Variants in KCNIP4 observed in about 807,000 individuals in gnomAD.
KCNIP4 encodes Kv channel-interacting protein 4.
A neutral mutation model predicts 34.0 loss-of-function variants in KCNIP4; 12 were observed. That is an observed-to-expected ratio of 0.35 (90% CI 0.23 to 0.57). KCNIP4 has a LOEUF of 0.57. Ranked by LOEUF, KCNIP4 falls within the 20% of genes least tolerant of loss-of-function variation. The probability of loss-of-function intolerance (pLI) is 0.83; values close to 1 mark genes in which losing one functional copy is unlikely to be tolerated. For synonymous variants in KCNIP4, 124 were observed against 102.2 expected (o/e 1.21, Z -1.29); for missense variants, 238 against 311.7 (o/e 0.76, Z 1.78).
intron 1 of KCNIP4, among the ~76,000 whole-genome samples, chr4:21,191,815 A>G (rs944106607): frequency 6.6e-6 from 1 of 152,196 alleles, no homozygotes; most frequent in African/African-American, 2.4e-5. Flanking sequence ...GACTATTCAG[A>G]TACATGTAAA....
intron 1 of KCNIP4, among the ~76,000 whole-genome samples, chr4:21,429,674 G>A (rs1247776365): frequency 2.0e-5 from 3 of 152,088 alleles, no homozygotes; most frequent in African/African-American, 7.2e-5. Flanking sequence ...TAATTCTAGT[G>A]ATGTGTGTAA....
chr4:20,947,801 G>A (rs1054078588), intron 1 of KCNIP4, among the ~76,000 whole-genome samples: 10 of 152,078 alleles, frequency 6.6e-5, no homozygotes, highest in African/African-American at 1.7e-4. Flanking sequence ...AACTACACAC[G>A]GCAGCTCCTA....
In KCNIP4 at chr4:20,840,315, T is replaced by C. The variant is rs187952282; in HGVS notation, c.288+10228A>G. ...AAATCATAAATGTGTGATTGTATAT[T>C]GGGTCTTGTACATCCCCTAGCAAAT... is the stretch of plus-strand genomic sequence containing the variant. On this transcript the variant is annotated intron_variant, in intron 3 of 8. Coordinates refer to ENST00000382152, the MANE Select transcript of KCNIP4 (RefSeq NM_025221.6). Among the ~76,000 whole-genome samples, 315 of 152,302 alleles carry C rather than the reference T, an allele frequency of 2.1e-3. 4 individuals are homozygous for C. The highest frequency in any genetic ancestry group is 7.2e-3 in the African/African-American group (299 of 41,576).
At chr4:21,473,877 C>T (rs1295205742) in intron 1 of KCNIP4, among the ~76,000 whole-genome samples, 2 of 152,006 alleles carry the variant, frequency 1.3e-5, no homozygotes, top group African/African-American at 2.4e-5. Flanking sequence ...CTATGCCTGG[C>T]TAATTTTTGT....
intron 1 of KCNIP4, among the ~76,000 whole-genome samples, chr4:21,886,560 G>C (rs114645360): frequency 3.3e-5 from 5 of 152,080 alleles, no homozygotes; most frequent in Non-Finnish European, 5.9e-5. Flanking sequence ...GTTCCCACAG[G>C]GGGTGAGAGA....
intron 1 of KCNIP4, among the ~76,000 whole-genome samples, chr4:21,299,158 C>G (rs772095138): frequency 1.3e-5 from 2 of 151,890 alleles, no homozygotes; most frequent in African/African-American, 4.8e-5. Flanking sequence ...AATAATATAT[C>G]TATACTATAC....
In KCNIP4 at chr4:21,173,692, C is replaced by T. The variant is rs79162938; in HGVS notation, c.62-290983G>A. Among the ~76,000 whole-genome samples, 890 of 152,254 alleles carry T rather than the reference C, an allele frequency of 5.8e-3. 11 individuals carry two copies. Among genetic ancestry groups the T allele is most frequent in the African/African-American group, 0.02 (822 of 41,546 alleles). On this transcript the variant is annotated intron_variant, in intron 1 of 8. Transcript: ENST00000382152. ...TGGCAAGTAGCTGAAAACCCAAACC[C>T]GTGACAGTAGGTCCAGTGCTCTCTG...
At chr4:21,447,018 A>T (rs1728078580) in intron 1 of KCNIP4, among the ~76,000 whole-genome samples, 2 of 151,890 alleles carry the variant, frequency 1.3e-5, no homozygotes, top group Non-Finnish European at 2.9e-5. Context: ...AAAGAAAAAG[A>T]GACTGAACAT....
At chr4:21,104,754 C>T (rs1453889538) in intron 1 of KCNIP4, among the ~76,000 whole-genome samples, 2 of 151,608 alleles carry the variant, frequency 1.3e-5, no homozygotes, top group Non-Finnish European at 2.9e-5. Context: ...TTTAATCCAC[C>T]TTTAATTAAT....
intron 1 of KCNIP4, among the ~76,000 whole-genome samples, chr4:21,905,955 C>T (rs1396814008): frequency 1.3e-5 from 2 of 152,182 alleles, no homozygotes; most frequent in African/African-American, 2.4e-5. Flanking sequence ...ACACGTAACA[C>T]TTGTTTGCAT....
chr4:21,643,515 G>T (rs543695027), intron 1 of KCNIP4, among the ~76,000 whole-genome samples: 45 of 152,028 alleles, frequency 3.0e-4, no homozygotes, highest in Non-Finnish European at 1.0e-4. Context: ...ATGTTAACAC[G>T]GTTAAATGAT....
At chr4:21,331,063 T>C (rs117776574) in intron 1 of KCNIP4, among the ~76,000 whole-genome samples, 1,712 of 152,294 alleles carry the variant, frequency 0.011, 25 homozygotes, top group South Asian at 0.048. Flanking sequence ...GTTGTCCTTG[T>C]TCATGTGTAA....
intron 1 of KCNIP4, among the ~76,000 whole-genome samples, chr4:21,712,588 G>A (rs1022437798): frequency 3.3e-5 from 5 of 151,824 alleles, no homozygotes; most frequent in Non-Finnish European, 7.4e-5. Context: ...CACCTCTCTT[G>A]TGTCTCCTTC....
chr4:21,927,658 G>A (rs1230679396), intron 1 of KCNIP4, among the ~76,000 whole-genome samples: 3 of 152,164 alleles, frequency 2.0e-5, no homozygotes, highest in Non-Finnish European at 2.9e-5. Flanking sequence ...TGAGTAACAA[G>A]TATTCGGTTT....
chr4:21,128,688 AG>A (rs1170314797), intron 1 of KCNIP4, among the ~76,000 whole-genome samples: 1 of 152,210 alleles, frequency 6.6e-6, no homozygotes, highest in Non-Finnish European at 1.5e-5. Flanking sequence ...TGGGAGCAAA[AG>A]ATTCTCATTT....
chr4:21,388,730 C>T (rs1337069538), intron 1 of KCNIP4, among the ~76,000 whole-genome samples: 2 of 152,118 alleles, frequency 1.3e-5, no homozygotes, highest in Non-Finnish European at 2.9e-5. Flanking sequence ...CTGGATATTT[C>T]ATGTATATTT....
intron 1 of KCNIP4, among the ~76,000 whole-genome samples, chr4:21,871,286 G>T (rs1384021836): frequency 9.7e-6 from 1 of 102,754 alleles, no homozygotes; most frequent in Non-Finnish European, 1.9e-5. Context: ...CCCACAACAG[G>T]CCCCGGTGTG....
intron 1 of KCNIP4, among the ~76,000 whole-genome samples, chr4:21,424,408 T>TA (rs566974619): frequency 4.8e-4 from 72 of 151,370 alleles, no homozygotes; most frequent in Non-Finnish European, 8.4e-4. Context: ...CCATCTCTAC[T>TA]AAAAAAATAA....
chr4:21,704,285 C>A (rs1184351238), intron 1 of KCNIP4, among the ~76,000 whole-genome samples: 1 of 152,090 alleles, frequency 6.6e-6, no homozygotes, highest in African/African-American at 2.4e-5. Flanking sequence ...TAGCAATGTT[C>A]ATTGCTGGTA....
Sources: gnomAD v4.1 joint callset for allele counts (sites outside exome capture counted in the v4.1 genomes callset) on GRCh38, gnomAD v4.1.1 for gene constraint, MANE v1.5 for transcripts, NCBI Gene and HGNC (gene_info 2026-07-23, HGNC 2026-07-21) for gene names.